Variants in PCDHGB1 observed in about 807,000 individuals in gnomAD.
PCDHGB1 encodes the protein protocadherin gamma-B1.
In PCDHGB1, 34 loss-of-function variants were observed where a neutral mutation model predicts 56.6. The ratio of observed to expected loss-of-function variants is 0.60; its 90% confidence interval spans 0.46 to 0.80. PCDHGB1 has a LOEUF of 0.80. Among genes scored for constraint, PCDHGB1 ranks in the 30% least tolerant of loss-of-function variants. The pLI is 0.00. For missense variants in PCDHGB1, 1,278 were observed against 1,204.6 expected (o/e 1.06, Z -0.90); for synonymous variants, 561 against 505.9 (o/e 1.11, Z -1.46).
At chr5:141,375,244 G>A (rs527726605) in intron 1 of PCDHGB1, 1 of 1,613,890 alleles carries the variant, frequency 6.2e-7, no homozygotes, top group Admixed American at 1.7e-5. Context: ...GTTCCATCCC[G>A]AGAAGTCTCC....
chr5:141,419,037 A>G, intron 1 of PCDHGB1: 1 of 1,613,972 alleles, frequency 6.2e-7, no homozygotes, highest in Middle Eastern at 1.6e-4. Flanking sequence ...GTTCCATTTA[A>G]GATTCATTCT....
At chr5:141,502,708 A>G (rs1172090234) in intron 2 of PCDHGB1, among the ~76,000 whole-genome samples, 1 of 152,204 alleles carries the variant, frequency 6.6e-6, no homozygotes, top group Non-Finnish European at 1.5e-5. Flanking sequence ...CTGTTTTTAC[A>G]TCAGTGATTA....
intron 1 of PCDHGB1, chr5:141,403,903 G>T: frequency 1.2e-6 from 2 of 1,613,804 alleles, no homozygotes; most frequent in Non-Finnish European, 1.7e-6. Context: ...TTTATGAAAT[G>T]GAAATACAAG....
intron 1 of PCDHGB1, chr5:141,387,791 A>G: frequency 4.0e-6 from 6 of 1,492,120 alleles, no homozygotes; most frequent in Non-Finnish European, 4.5e-6. Flanking sequence ...AACTGCAACT[A>G]AAGTCCGTTC....
At chr5:141,471,786 A>G (rs1043196530) in intron 1 of PCDHGB1, among the ~76,000 whole-genome samples, 6 of 152,244 alleles carry the variant, frequency 3.9e-5, no homozygotes, top group African/African-American at 1.4e-4. Flanking sequence ...ACATTATGCT[A>G]TGTCATATAA....
Position 141,351,745 on chromosome 5 carries a change from G to C in PCDHGB1, c.1485G>C (p.Arg495=). ...YSILASDLEP[R]ELLSYVSVSP... ...TTCTGGCCAGTGACCTGGAGCCGCG[G>C]GAGCTGTTGTCCTACGTGTCCGTGA... is the stretch of plus-strand genomic sequence containing the variant. Residue 495 remains arginine, a synonymous_variant, in exon 1 of 4, where the codon CGG becomes CGC. Coordinates refer to ENST00000523390, the MANE Select transcript of PCDHGB1 (RefSeq NM_018922.3). 1 of 1,613,668 alleles carries C rather than the reference G, an allele frequency of 6.2e-7. No homozygotes were observed.
chr5:141,414,434 C>A (rs774467993), intron 1 of PCDHGB1: 2 of 1,613,822 alleles, frequency 1.2e-6, no homozygotes, highest in Non-Finnish European at 8.5e-7. Flanking sequence ...GAACAGGTAT[C>A]CTCTTACAAT....
chr5:141,370,790 CT>C (rs776090899), intron 1 of PCDHGB1: 1 of 1,614,038 alleles, frequency 6.2e-7, no homozygotes, highest in East Asian at 2.2e-5. Context: ...ACCCACCGAC[CT>C]TTAGCCAAAA....
chr5:141,419,043 A>G (rs1561777660), intron 1 of PCDHGB1: 5 of 1,613,958 alleles, frequency 3.1e-6, no homozygotes. Flanking sequence ...TTTAAGATTC[A>G]TTCTTCTTCT....
At chr5:141,390,307 A>G (rs2092112369) in intron 1 of PCDHGB1, 1 of 1,613,424 alleles carries the variant, frequency 6.2e-7, no homozygotes, top group Admixed American at 1.7e-5. Flanking sequence ...GTATAATTTA[A>G]TGCTCATTGC....
rs759226115 is a variant in PCDHGB1 at position 141,405,385 on chromosome 5, A to AT, written c.2409+52724dup. 3.1e-5 allele frequency: 49 copies of AT among 1,599,976 alleles called. 1 individual carries two copies. The highest frequency in any genetic ancestry group is 2.8e-4 in the Admixed American group (16 of 56,782). On this transcript the variant is annotated intron_variant, in intron 1 of 3. Coordinates refer to ENST00000523390, the MANE Select transcript of PCDHGB1 (RefSeq NM_018922.3). ...ACACCCCTTTGGTTCCGGTGAGTTC[A>AT]TTTTTTTTCTTTCTTTCTTTTCTTT...
At chr5:141,353,540 C>A (rs550805213) in intron 1 of PCDHGB1, among the ~76,000 whole-genome samples, 1 of 152,290 alleles carries the variant, frequency 6.6e-6, no homozygotes, top group South Asian at 2.1e-4. Context: ...GCATCACTAA[C>A]TTTGAGTCAA....
chr5:141,394,432 C>T (rs1561648568), intron 1 of PCDHGB1: 2 of 1,614,238 alleles, frequency 1.2e-6, no homozygotes, highest in Admixed American at 1.7e-5. Flanking sequence ...AGCGGGGACC[C>T]GCCCCTCAGC....
intron 1 of PCDHGB1, chr5:141,478,585 T>A (rs1474599564): frequency 1.3e-5 from 20 of 1,576,728 alleles, no homozygotes; most frequent in Non-Finnish European, 1.7e-5. Flanking sequence ...TGTTAGTGCT[T>A]TTTTATTCCT....
intron 1 of PCDHGB1, among the ~76,000 whole-genome samples, chr5:141,381,744 G>A (rs1175308296): frequency 3.3e-5 from 5 of 151,430 alleles, no homozygotes; most frequent in Non-Finnish European, 5.9e-5. Flanking sequence ...TTTGGATTCC[G>A]ACATTGTTCT....
intron 1 of PCDHGB1, among the ~76,000 whole-genome samples, chr5:141,465,159 A>C (rs1333891587): frequency 6.6e-6 from 1 of 151,952 alleles, no homozygotes; most frequent in East Asian, 1.9e-4. Flanking sequence ...AGGGACTCTA[A>C]ATGTTTATGA....
chr5:141,374,223 A>G (rs761001587), intron 1 of PCDHGB1: 2 of 1,614,020 alleles, frequency 1.2e-6, no homozygotes, highest in South Asian at 2.2e-5. Flanking sequence ...TTCGTAGGCA[A>G]CATCGTCAAG....
At chr5:141,364,125 C>T in intron 1 of PCDHGB1, 1 of 466,222 alleles carries the variant, frequency 2.1e-6, no homozygotes. Flanking sequence ...CTGAGTGTCG[C>T]TGTTGACCAA....
chr5:141,352,276 C>T lies in PCDHGB1; in HGVS notation c.2016C>T (p.Ser672=), dbSNP rs753441011. 3.2e-5 allele frequency: 51 copies of T among 1,614,086 alleles called. 1 individual carries two copies. In the South Asian group the frequency reaches 4.8e-4, roughly 15 times the overall value. The change falls in exon 1 of 4, where the codon AGC becomes AGT. Residue 672 remains serine (S), a synonymous_variant. Transcript: ENST00000523390. ...DSLQEVLPDL[S]DRPEPSDPQT... is the part of the protein sequence containing the mutation. ...TGCAAGAGGTATTGCCAGACCTCAG[C>T]GACCGCCCTGAGCCCTCTGACCCCC...
Sources: allele counts gnomAD v4.1 joint callset (sites outside exome capture counted in the v4.1 genomes callset), GRCh38; gene constraint gnomAD v4.1.1; transcripts MANE v1.5; gene names NCBI Gene and HGNC (gene_info 2026-07-23, HGNC 2026-07-21).